The following FBXL17 variants were observed in gnomAD, a reference collection of about 807,000 sequenced individuals.
The protein encoded by FBXL17 is F-box/LRR-repeat protein 17.
FBXL17 carries 22 observed loss-of-function variants against 66.2 expected under a neutral mutation model. That is an observed-to-expected ratio of 0.33 (90% CI 0.24 to 0.47). The LOEUF (loss-of-function observed/expected upper bound fraction) is 0.47, where lower values mean the gene tolerates loss of function less well. Among genes scored for constraint, FBXL17 ranks in the 20% least tolerant of loss-of-function variants. The pLI is 1.00. For synonymous variants in FBXL17, 474 were observed against 400.5 expected, an observed-to-expected ratio of 1.18 and a Z score of -2.19; for missense variants, 878 against 948.2, an observed-to-expected ratio of 0.93 and a Z score of 0.97.
intron 8 of FBXL17, among the ~76,000 whole-genome samples, chr5:107,863,674 A>G (rs139146829): frequency 0.01 from 1,546 of 152,344 alleles, 20 homozygotes; most frequent in Non-Finnish European, 0.017. Context: ...TGAGCCAGGA[A>G]TAGTTATTAG....
chr5:108,106,703 C>G (rs1749810383), intron 6 of FBXL17, among the ~76,000 whole-genome samples: 1 of 151,988 alleles, frequency 6.6e-6, no homozygotes, highest in Non-Finnish European at 1.5e-5. Flanking sequence ...TAGGCAAATC[C>G]ATAGAGACAA....
At chr5:107,940,407 A>G (rs899715692) in intron 7 of FBXL17, among the ~76,000 whole-genome samples, 3 of 152,266 alleles carry the variant, frequency 2.0e-5, no homozygotes, top group Non-Finnish European at 4.4e-5. Flanking sequence ...GAGATGGCGT[A>G]TATGCAAGGT....
At chr5:108,283,305 A>C (rs1439660338) in intron 4 of FBXL17, among the ~76,000 whole-genome samples, 6 of 151,934 alleles carry the variant, frequency 3.9e-5, no homozygotes, top group African/African-American at 1.4e-4. Flanking sequence ...GCTGATAACA[A>C]ATTACAGTAA....
intron 4 of FBXL17, among the ~76,000 whole-genome samples, chr5:108,335,981 T>A (rs963235380): frequency 1.3e-5 from 2 of 152,062 alleles, no homozygotes; most frequent in Non-Finnish European, 2.9e-5. Flanking sequence ...TTGTCCAATT[T>A]TTTCCCCTCT....
chr5:108,141,006 C>T (rs775578760), intron 6 of FBXL17, among the ~76,000 whole-genome samples: 5 of 152,098 alleles, frequency 3.3e-5, no homozygotes, highest in Non-Finnish European at 7.4e-5. Context: ...TGATATTAAA[C>T]TTCTCCTATT....
chr5:107,869,291 T>C (rs923215556), intron 8 of FBXL17, among the ~76,000 whole-genome samples: 1 of 152,200 alleles, frequency 6.6e-6, no homozygotes, highest in Non-Finnish European at 1.5e-5. Flanking sequence ...TCTGGGAAAC[T>C]GTAGCAGATA....
At chr5:108,307,723 T>C (rs988487765) in intron 4 of FBXL17, among the ~76,000 whole-genome samples, 2 of 152,140 alleles carry the variant, frequency 1.3e-5, no homozygotes, top group Admixed American at 1.3e-4. Context: ...TGACAGGATG[T>C]TCTTTTGTAT....
At chr5:108,058,994 T>A (rs1561390252) in intron 6 of FBXL17, among the ~76,000 whole-genome samples, 1 of 152,196 alleles carries the variant, frequency 6.6e-6, no homozygotes, top group Non-Finnish European at 1.5e-5. Flanking sequence ...TTCAAATCAT[T>A]CTGGAACCCT....
At chr5:107,953,198 C>T (rs1053847465) in intron 7 of FBXL17, among the ~76,000 whole-genome samples, 4 of 151,888 alleles carry the variant, frequency 2.6e-5, no homozygotes, top group African/African-American at 7.3e-5. Context: ...GTCAGGAGAT[C>T]GAGACCATCC....
At chr5:107,921,861 T>C (rs1561321999) in intron 7 of FBXL17, among the ~76,000 whole-genome samples, 1 of 152,280 alleles carries the variant, frequency 6.6e-6, no homozygotes, top group East Asian at 1.9e-4. Flanking sequence ...ATTCAGCACT[T>C]GCTGAATATA....
At chr5:108,293,813 G>T (rs1366909063) in intron 4 of FBXL17, among the ~76,000 whole-genome samples, 1 of 151,802 alleles carries the variant, frequency 6.6e-6, no homozygotes, top group Non-Finnish European at 1.5e-5. Flanking sequence ...GGCCGAGGTG[G>T]GTTGATCACT....
At position 108,153,492 on chromosome 5, in the gene FBXL17, A is replaced by T. The variant is rs190818476; in HGVS notation, c.1745+32625T>A. Among the ~76,000 whole-genome samples, 507 of 152,282 alleles carry T rather than the reference A, an allele frequency of 3.3e-3. 2 individuals carry two copies. The highest frequency in any genetic ancestry group is 6.8e-3 in the Middle Eastern group (2 of 294). On this transcript the variant is annotated intron_variant, in intron 6 of 8. Transcript: ENST00000542267. ...AGGGTTGGTAGGCTCAATAAACCTG[A>T]TATTAAATATTTGTGAAAAAGAATT...
At chr5:108,155,308 A>T (rs1751951271) in intron 6 of FBXL17, among the ~76,000 whole-genome samples, 1 of 152,016 alleles carries the variant, frequency 6.6e-6, no homozygotes, top group Non-Finnish European at 1.5e-5. Flanking sequence ...CGAGGTCTGG[A>T]GTTTAAGACC....
At chr5:108,194,023 A>G (rs969082403) in intron 5 of FBXL17, among the ~76,000 whole-genome samples, 5 of 152,046 alleles carry the variant, frequency 3.3e-5, no homozygotes, top group African/African-American at 1.2e-4. Context: ...AGCCAGATTA[A>G]TCTTCTTGAA....
At chr5:107,953,143 C>T (rs1751551684) in intron 7 of FBXL17, among the ~76,000 whole-genome samples, 1 of 152,038 alleles carries the variant, frequency 6.6e-6, no homozygotes, top group African/African-American at 2.4e-5. Flanking sequence ...TGGCTCACGC[C>T]TGTAATCCCA....
intron 7 of FBXL17, among the ~76,000 whole-genome samples, chr5:107,922,527 A>G (rs995034622): frequency 6.6e-6 from 1 of 152,176 alleles, no homozygotes; most frequent in African/African-American, 2.4e-5. Flanking sequence ...TAAGAATGAG[A>G]TATCTTCAGC....
At chr5:108,340,684 C>G (rs1345632174) in intron 4 of FBXL17, among the ~76,000 whole-genome samples, 2 of 152,130 alleles carry the variant, frequency 1.3e-5, no homozygotes, top group Non-Finnish European at 1.5e-5. Context: ...AAACATTTGA[C>G]TCTTTAAGCT....
chr5:108,126,069 A>G (rs1750684916), intron 6 of FBXL17, among the ~76,000 whole-genome samples: 1 of 152,100 alleles, frequency 6.6e-6, no homozygotes, highest in Non-Finnish European at 1.5e-5. Context: ...TTTCCTCTAG[A>G]GCAATCATGT....
intron 4 of FBXL17, among the ~76,000 whole-genome samples, chr5:108,231,049 G>A (rs1218392164): frequency 6.6e-6 from 1 of 152,114 alleles, no homozygotes; most frequent in Non-Finnish European, 1.5e-5. Flanking sequence ...CTTAAAGTTT[G>A]AGAAATACTG....
Sources: gnomAD v4.1 joint callset for allele counts (sites outside exome capture counted in the v4.1 genomes callset) on GRCh38, gnomAD v4.1.1 for gene constraint, MANE v1.5 for transcripts, NCBI Gene and HGNC (gene_info 2026-07-23, HGNC 2026-07-21) for gene names.